The following TUBB8B variants were observed in gnomAD, a reference collection of about 807,000 sequenced individuals.
TUBB8B encodes the protein HSA18p11 beta-tubulin 4Q pseudogene.
In TUBB8B, 26 loss-of-function variants were observed where a neutral mutation model predicts 31.9. The ratio of observed to expected loss-of-function variants is 0.81; its 90% confidence interval spans 0.60 to 1.13. The LOEUF is 1.13. Among genes scored for constraint, TUBB8B ranks in the 50% most tolerant of loss-of-function variants. The pLI is 0.00. For missense variants in TUBB8B, 467 were observed against 586.7 expected, an observed-to-expected ratio of 0.80 and a Z score of 2.11; for synonymous variants, 173 against 231.0, an observed-to-expected ratio of 0.75 and a Z score of 2.28.
At chr18:57,026 C>T in the TUBB8B span, among the ~76,000 whole-genome samples, 2 of 151,720 alleles carry the variant, frequency 1.3e-5, no homozygotes, top group Admixed American at 6.6e-5. Context: ...GGAAATCCTG[C>T]CCTCATGATT....
At chr18:60,556 T>C in the TUBB8B span, among the ~76,000 whole-genome samples, 2 of 151,836 alleles carry the variant, frequency 1.3e-5, no homozygotes, top group East Asian at 3.9e-4. Context: ...TTAGGTTATT[T>C]ATTTGCAGCT....
chr18:62,450 G>A, the TUBB8B span, among the ~76,000 whole-genome samples: 4 of 141,692 alleles, frequency 2.8e-5, no homozygotes, highest in African/African-American at 1.0e-4. Flanking sequence ...ACAGAGTCTC[G>A]CTCTGTAGCC....
the TUBB8B span, among the ~76,000 whole-genome samples, chr18:66,229 G>A: frequency 6.6e-6 from 1 of 152,010 alleles, no homozygotes; most frequent in South Asian, 2.1e-4. Flanking sequence ...ACCATGCCTT[G>A]AAAAAGAAAG....
chr18:63,405 G>T, the TUBB8B span, among the ~76,000 whole-genome samples: 1 of 151,722 alleles, frequency 6.6e-6, no homozygotes, highest in Non-Finnish European at 1.5e-5. Flanking sequence ...ATCAAGTAGA[G>T]ATTCTAGTTC....
chr18:49,506 C>T lies in TUBB8B; in HGVS notation c.52G>A (p.Ala18Thr), dbSNP rs576451750. 17 of 961,522 alleles carry T rather than the reference C, an allele frequency of 1.8e-5. No individual in the cohort carries two copies. The highest frequency in any genetic ancestry group is 4.2e-5 in the Admixed American group (2 of 47,372). The allele number at this position is 961,522 out of a possible 1,614,324, so 59.6% of individuals were successfully genotyped here. Reference protein sequence around the residue: ...QTGQCGNQIGAKFWEVISDEH... With the variant: ...QTGQCGNQIGTKFWEVISDEH... Reference sequence around the variant, plus strand: ...TCAGAGCCCTGGCTGCCAACCTTGGCGCCGATCTGGTTCCCGCACTGCCCG... The same window carrying T: ...TCAGAGCCCTGGCTGCCAACCTTGGTGCCGATCTGGTTCCCGCACTGCCCG... Residue 18 changes from alanine (A) to threonine (T), a missense_variant, in exon 1 of 4, where the codon GCC (alanine) becomes ACC (threonine). By Grantham distance (58) the Ala-to-Thr change is moderately conservative. Around this residue, in one of 2 missense-constraint regions of TUBB8B, gnomAD observed 259 missense variants for 380.1 expected, o/e 0.68. Coordinates refer to ENST00000308911, the MANE Select transcript of TUBB8B (RefSeq NM_001358689.2).
At position 49,064 on chromosome 18, in the gene TUBB8B, G is replaced by A; in HGVS notation, c.167-14C>T. On this transcript the variant is annotated splice_polypyrimidine_tract_variant and intron_variant, in intron 2 of 3. Coordinates refer to ENST00000308911, the MANE Select transcript of TUBB8B (RefSeq NM_001358689.2). ...CGTACCTGCCACCTGCGTGGGGCGG[G>A]AGGGCATGAGCGAGGGGAGGGCCGC... 12 of 1,581,740 alleles carry A rather than the reference G, an allele frequency of 7.6e-6. No homozygotes were observed. The highest frequency in any genetic ancestry group is 9.5e-6 in the Non-Finnish European group (11 of 1,154,162).
At chr18:49,624 C>T (rs1205298362), upstream of TUBB8B, 4 of 749,560 alleles carry the variant, frequency 5.3e-6, no homozygotes, top group African/African-American at 3.5e-5. Context: ...GCGACCCAGC[C>T]CGCCCTCCGC....
At chr18:62,098 G>A in the TUBB8B span, among the ~76,000 whole-genome samples, 1 of 151,652 alleles carries the variant, frequency 6.6e-6, no homozygotes. Context: ...AGGACTTTTT[G>A]CCAGATACAT....
chr18:62,473 C>T, the TUBB8B span, among the ~76,000 whole-genome samples: 26 of 148,946 alleles, frequency 1.7e-4, no homozygotes, highest in South Asian at 3.2e-3. Flanking sequence ...GGCTGGAGTG[C>T]AATGGCGTGA....
chr18:62,068 T>C, the TUBB8B span, among the ~76,000 whole-genome samples: 1 of 151,854 alleles, frequency 6.6e-6, no homozygotes, highest in Non-Finnish European at 1.5e-5. Context: ...AAAAAGTTCT[T>C]ATTTCTCTGT....
At chr18:57,904 T>G in the TUBB8B span, among the ~76,000 whole-genome samples, 1 of 151,944 alleles carries the variant, frequency 6.6e-6, no homozygotes, top group Non-Finnish European at 1.5e-5. Context: ...CTACCAAGGC[T>G]TATGGCTTGC....
chr18:53,180 T>C (rs1215031227), upstream of TUBB8B, among the ~76,000 whole-genome samples: 6 of 151,822 alleles, frequency 4.0e-5, no homozygotes, highest in Non-Finnish European at 8.8e-5. Context: ...CATATTAAGA[T>C]AGAGAATTCT....
chr18:65,013 T>C, the TUBB8B span, among the ~76,000 whole-genome samples: 726 of 152,162 alleles, frequency 4.8e-3, 9 homozygotes, highest in African/African-American at 0.016. Context: ...TTAATAATGT[T>C]CAAGAGGCCA....
chr18:54,899 G>C, the TUBB8B span, among the ~76,000 whole-genome samples: 1 of 152,000 alleles, frequency 6.6e-6, no homozygotes, highest in South Asian at 2.1e-4. Flanking sequence ...GGTTTGATTT[G>C]CATTTCTATG....
the TUBB8B span, among the ~76,000 whole-genome samples, chr18:55,630 T>A: frequency 6.6e-6 from 1 of 151,846 alleles, no homozygotes; most frequent in South Asian, 2.1e-4. Flanking sequence ...ACCAACCCCA[T>A]GATCCAATCA....
At chr18:56,568 T>C in the TUBB8B span, among the ~76,000 whole-genome samples, 1 of 151,946 alleles carries the variant, frequency 6.6e-6, no homozygotes, top group Non-Finnish European at 1.5e-5. Flanking sequence ...CATTTTGTTT[T>C]ATTTGTGGCT....
the TUBB8B span, among the ~76,000 whole-genome samples, chr18:63,179 T>G: frequency 6.6e-6 from 1 of 151,780 alleles, no homozygotes; most frequent in East Asian, 1.9e-4. Context: ...CTGGATGGCC[T>G]TGATACTTGT....
upstream of TUBB8B, among the ~76,000 whole-genome samples, chr18:50,902 C>T (rs1287540952): frequency 6.6e-6 from 1 of 152,042 alleles, no homozygotes; most frequent in African/African-American, 2.4e-5. Flanking sequence ...AGCAAAGCAG[C>T]ATTCTAACAA....
the TUBB8B span, among the ~76,000 whole-genome samples, chr18:63,591 G>A: frequency 6.6e-6 from 1 of 150,458 alleles, no homozygotes; most frequent in Admixed American, 6.6e-5. Flanking sequence ...CGACAACTTG[G>A]CTACCATATA....
Sources: gnomAD v4.1 joint callset for allele counts (sites outside exome capture counted in the v4.1 genomes callset) on GRCh38, gnomAD v4.1.1 for gene constraint, gnomAD v4.1.1 regional missense constraint, MANE v1.5 for transcripts, NCBI Gene and HGNC (gene_info 2026-07-23, HGNC 2026-07-21) for gene names.